ANK2: variants seen among roughly 807,000 people sequenced by gnomAD.
The protein encoded by ANK2 is ankyrin 2.
Under a neutral mutation model 360.5 loss-of-function variants are expected in ANK2, and 83 were observed. That is an observed-to-expected ratio of 0.23 (90% CI 0.19 to 0.28). The LOEUF (loss-of-function observed/expected upper bound fraction) is 0.28, where lower values mean the gene tolerates loss of function less well. Ranked by LOEUF, ANK2 falls within the 10% of genes least tolerant of loss-of-function variation. The pLI, the probability that ANK2 is intolerant of heterozygous loss-of-function variation, is 1.00. For missense variants in ANK2, 4,201 were observed against 4,795.7 expected, an observed-to-expected ratio of 0.88 and a Z score of 3.66; for synonymous variants, 1,740 against 1,759.5, an observed-to-expected ratio of 0.99 and a Z score of 0.28.
At chr4:113,241,405 A>G (rs905664787) in intron 8 of ANK2, among the ~76,000 whole-genome samples, 1 of 152,116 alleles carries the variant, frequency 6.6e-6, no homozygotes, top group Non-Finnish European at 1.5e-5. Flanking sequence ...GGGCATGATC[A>G]TGGCTCACCG....
At chr4:113,006,670 T>C (rs1358654833) in intron 2 of ANK2, among the ~76,000 whole-genome samples, 1 of 152,228 alleles carries the variant, frequency 6.6e-6, no homozygotes, top group East Asian at 1.9e-4. Context: ...TTACATATTA[T>C]TTAATTCACA....
At chr4:113,316,812 T>A (rs996856498) in intron 24 of ANK2, among the ~76,000 whole-genome samples, 7 of 152,234 alleles carry the variant, frequency 4.6e-5, no homozygotes, top group Non-Finnish European at 7.3e-5. Context: ...AGTGTGTAAT[T>A]TAGAACTTTG....
chr4:112,962,125 G>T (rs1017561032), intron 2 of ANK2, among the ~76,000 whole-genome samples: 1 of 152,046 alleles, frequency 6.6e-6, no homozygotes, highest in African/African-American at 2.4e-5. Flanking sequence ...ATGCAGGTTT[G>T]TTATGTGGAT....
Position 113,249,843 on chromosome 4 carries a change from C to G in ANK2, c.971C>G (p.Pro324Arg), listed in dbSNP as rs1354755858. The change falls in exon 10 of 46, where the codon CCC becomes CGC. Residue 324 changes from proline to arginine, a missense_variant. Physicochemically the swap from Pro to Arg is moderately radical, Grantham distance 103 (BLOSUM62 -2). Transcript: ENST00000357077. ...VVELLLERGA[P>R]LLARTKNGLS... ...GAACTTCTGTTGGAACGGGGTGCCC[C>G]CTTGCTGGCAAGGACTAAGGTGAGT... 1 of 1,614,052 alleles carries G rather than the reference C, an allele frequency of 6.2e-7. No individual in the cohort carries two copies. The highest frequency in any genetic ancestry group is 1.1e-5 in the South Asian group (1 of 91,000).
At position 112,958,855 on chromosome 4, in the gene ANK2, C is replaced by CTTTTTCTTTTTCTTTCT. The variant is rs891349166; in HGVS notation, c.21+54346_21+54347insCTTTTTCTTTCTTTTTT. Among the ~76,000 whole-genome samples the CTTTTTCTTTTTCTTTCT allele has an allele frequency of 4.2e-4, 64 of 150,770 alleles. No homozygotes were observed. The East Asian group carries it at 8.0e-3, about 19-fold the overall frequency. ...GGGGTACAAGAGAAGATTTCTTTTT[C>CTTTTTCTTTTTCTTTCT]TTTTTTTTTGGTGATGAAGCCTTGC... On this transcript the variant is annotated intron_variant, in intron 2 of 30. Transcript: ENST00000503271.
chr4:112,881,865 G>C, intron 1 of ANK2: 1 of 789,906 alleles, frequency 1.3e-6, no homozygotes. Context: ...GGGTTTTTGA[G>C]AATATTCTCT....
intron 1 of ANK2, among the ~76,000 whole-genome samples, chr4:112,856,684 C>T (rs1283993710): frequency 2.0e-5 from 3 of 152,224 alleles, no homozygotes; most frequent in Non-Finnish European, 2.9e-5. Context: ...GCCAAGATCA[C>T]GCCACTGCAC....
the ANK2 span, among the ~76,000 whole-genome samples, chr4:112,741,072 C>G: frequency 6.6e-6 from 1 of 151,946 alleles, no homozygotes; most frequent in Non-Finnish European, 1.5e-5. Flanking sequence ...TAAAGTGATC[C>G]ACCTGCTTTA....
chr4:113,314,393 A>G (rs952042417), intron 24 of ANK2, among the ~76,000 whole-genome samples: 1 of 152,198 alleles, frequency 6.6e-6, no homozygotes, highest in Admixed American at 6.5e-5. Flanking sequence ...TTACACTTTC[A>G]TACCACCTAT....
chr4:112,712,787 G>T, the ANK2 span, among the ~76,000 whole-genome samples: 1 of 152,160 alleles, frequency 6.6e-6, no homozygotes, highest in Non-Finnish European at 1.5e-5. Context: ...ACAGTGAAGG[G>T]ATGACAGTCA....
intron 2 of ANK2, among the ~76,000 whole-genome samples, chr4:113,177,215 G>A (rs910579449): frequency 4.6e-5 from 7 of 152,242 alleles, no homozygotes; most frequent in East Asian, 3.9e-4. Context: ...CGAGTAGCTG[G>A]GACTACAGGC....
chr4:113,341,612 A>G (rs1563903834), intron 32 of ANK2, 76 bp from the exon 33 acceptor site: 2 of 1,459,972 alleles, frequency 1.4e-6, no homozygotes, highest in Non-Finnish European at 1.9e-6. Flanking sequence ...TACTTTGATC[A>G]TATTGAAGGA....
At chr4:112,923,020 A>ATTTAAGT (rs2091889068) in intron 2 of ANK2, among the ~76,000 whole-genome samples, 18 of 152,180 alleles carry the variant, frequency 1.2e-4, no homozygotes, top group Admixed American at 1.2e-3. Flanking sequence ...TTATTATTAG[A>ATTTAAGT]CGTGTAGATT....
chr4:112,783,799 G>A, the ANK2 span, among the ~76,000 whole-genome samples: 8 of 151,696 alleles, frequency 5.3e-5, no homozygotes, highest in African/African-American at 1.2e-4. Flanking sequence ...ACAGACACCC[G>A]CCACCACGTC....
rs745427219 is a variant in ANK2 at position 113,356,234 on chromosome 4, A to G, written c.7616A>G (p.Asp2539Gly). The change falls in exon 38 of 46, where the codon GAC (aspartate) becomes GGC (glycine). Residue 2539 changes from aspartate (D) to glycine (G), a missense_variant. Transcript: ENST00000357077. ...TCAGGGAAGAGCCCCCTTTCTCCTGACACCCCCAGCTCTGAAGAAGTCAGC... is the reference window on the plus strand; with the variant it reads ...TCAGGGAAGAGCCCCCTTTCTCCTGGCACCCCCAGCTCTGAAGAAGTCAGC... ...ESSGKSPLSP[D>G]TPSSEEVSYE... is the part of the protein sequence containing the mutation. 1.5e-5 allele frequency: 25 copies of G among 1,613,896 alleles called. No homozygotes were observed. Among genetic ancestry groups the G allele is most frequent in the Non-Finnish European group, 2.1e-5 (25 of 1,179,974 alleles).
the ANK2 span, among the ~76,000 whole-genome samples, chr4:112,812,040 A>G: frequency 1.6e-5 from 2 of 125,662 alleles, no homozygotes; most frequent in African/African-American, 6.3e-5. Flanking sequence ...CCGCCACTGC[A>G]CCCCAGCCTG....
At chr4:113,016,111 A>G (rs768495731) in intron 2 of ANK2, among the ~76,000 whole-genome samples, 2 of 152,048 alleles carry the variant, frequency 1.3e-5, no homozygotes, top group Non-Finnish European at 2.9e-5. Context: ...TGCAACCTCA[A>G]ATTCCTGGGT....
chr4:113,067,482 C>T (rs2154338237), intron 1 of ANK2, among the ~76,000 whole-genome samples: 1 of 152,238 alleles, frequency 6.6e-6, no homozygotes, highest in Admixed American at 6.5e-5. Flanking sequence ...CCTAAAGTTT[C>T]TGATGGAAAA....
chr4:113,127,979 A>G (rs148558655), intron 1 of ANK2, among the ~76,000 whole-genome samples: 146 of 152,340 alleles, frequency 9.6e-4, no homozygotes, highest in Middle Eastern at 6.8e-3. Context: ...TATTTCAATG[A>G]TATTAAAAAA....
Sources: gnomAD v4.1 joint callset for allele counts (sites outside exome capture counted in the v4.1 genomes callset) on GRCh38, gnomAD v4.1.1 for gene constraint, MANE v1.5 for transcripts, NCBI Gene and HGNC (gene_info 2026-07-23, HGNC 2026-07-21) for gene names.